MAP3K7: variants seen among roughly 807,000 people sequenced by gnomAD.
The protein encoded by MAP3K7 is TGF-beta activated kinase 1.
A neutral mutation model predicts 84.8 loss-of-function variants in MAP3K7; 21 were observed. That is an observed-to-expected ratio of 0.25 (90% CI 0.18 to 0.36). MAP3K7 has a LOEUF of 0.36. MAP3K7 is among the 10% of genes least tolerant of loss of function. The pLI is 1.00. For synonymous variants in MAP3K7, 241 were observed against 247.7 expected, an observed-to-expected ratio of 0.97 and a Z score of 0.25; for missense variants, 503 against 747.7, an observed-to-expected ratio of 0.67 and a Z score of 3.82.
chr6:90,556,489 T>C lies in MAP3K7; in HGVS notation c.607+11A>G, dbSNP rs1251279795. On this transcript the variant is annotated intron_variant, in intron 6 of 16. Coordinates refer to ENST00000369329, the MANE Select transcript of MAP3K7 (RefSeq NM_145331.3). The stretch of plus-strand genomic sequence containing the variant: ...GAGATTATCAAACATACCATACTTT[T>C]GCCATTTTACCTTCAAAAACTTCAG... 3.1e-6 allele frequency: 5 copies of C among 1,609,330 alleles called. No individual in the cohort carries two copies. The African/African-American group carries it at 5.4e-5, about 17-fold the overall frequency.
In MAP3K7 at chr6:90,516,461, T is replaced by G. The variant is rs766195114; in HGVS notation, c.*40A>C. On this transcript the variant is annotated 3_prime_UTR_variant, in exon 17 of 17. Transcript: ENST00000369329. ...GGTTTTCCTTTCCTTAAAAAAAAAG[T>G]CTTTCTTTGCATATTTCAAAATGTA... 4.4e-6 allele frequency: 7 copies of G among 1,582,576 alleles called. No individual in the cohort carries two copies. The highest frequency in any genetic ancestry group is 1.2e-5 in the South Asian group (1 of 85,214).
intron 11 of MAP3K7, among the ~76,000 whole-genome samples, chr6:90,545,866 T>C (rs1403137949): frequency 6.6e-6 from 1 of 152,160 alleles, no homozygotes; most frequent in Non-Finnish European, 1.5e-5. Flanking sequence ...TGTGTGGATG[T>C]TGTTAAGAGA....
At chr6:90,568,697 T>C in intron 2 of MAP3K7, 74 bp from the exon 3 acceptor site, 1 of 1,082,424 alleles carries the variant, frequency 9.2e-7, no homozygotes. Flanking sequence ...CATTAAAATC[T>C]TACTGTTGTA....
chr6:90,529,516 G>C (rs1582170043), intron 13 of MAP3K7, among the ~76,000 whole-genome samples: 2 of 152,098 alleles, frequency 1.3e-5, no homozygotes, highest in African/African-American at 4.8e-5. Context: ...TAAGAAGTTG[G>C]GTGTTGGAGA....
chr6:90,564,835 G>A (rs1270195232), intron 3 of MAP3K7, among the ~76,000 whole-genome samples: 1 of 152,096 alleles, frequency 6.6e-6, no homozygotes. Flanking sequence ...ACACTCCTCA[G>A]CAAATGTAAA....
At position 90,529,448 on chromosome 6, in the gene MAP3K7, C is replaced by T. The variant is rs960300946; in HGVS notation, c.1357-5665G>A. 5.3e-5 allele frequency among the ~76,000 whole-genome samples: 8 copies of T among 152,224 alleles called. No homozygotes were observed. The South Asian group carries it at 6.2e-4, about 12-fold the overall frequency. On this transcript the variant is annotated intron_variant, in intron 13 of 16. Transcript: ENST00000369329. Reference sequence around the variant, plus strand: ...GTGTGAACCTGTGTAAGTAACTTAGCCTCTCTGAGACTTAGGTTTCTCATT... The same window carrying T: ...GTGTGAACCTGTGTAAGTAACTTAGTCTCTCTGAGACTTAGGTTTCTCATT...
chr6:90,538,118 C>G (rs1775737449), intron 12 of MAP3K7, among the ~76,000 whole-genome samples: 1 of 151,866 alleles, frequency 6.6e-6, no homozygotes, highest in Non-Finnish European at 1.5e-5. Context: ...CTGCATGAAT[C>G]AAAGCAAGCA....
intron 5 of MAP3K7, 71 bp from the exon 6 acceptor site, chr6:90,556,695 C>T: frequency 6.9e-7 from 1 of 1,456,422 alleles, no homozygotes; most frequent in Non-Finnish European, 9.2e-7. Flanking sequence ...AAAGAAGAGA[C>T]ATTTGTGGAA....
chr6:90,550,115 G>A lies in MAP3K7; in HGVS notation c.949+353C>T, dbSNP rs1434843099. Among the ~76,000 whole-genome samples, 7 of 152,158 alleles carry A rather than the reference G, an allele frequency of 4.6e-5. No individual in the cohort carries two copies. In the South Asian group the frequency reaches 1.2e-3, roughly 27 times the overall value. Reference sequence around the variant, plus strand: ...GAACAAAAACTAGGGTGTTCGTGATGAAGAAATGTTTAAATACATTTACAA... The same window carrying A: ...GAACAAAAACTAGGGTGTTCGTGATAAAGAAATGTTTAAATACATTTACAA... On this transcript the variant is annotated intron_variant, in intron 9 of 16. Transcript: ENST00000369329.
At chr6:90,541,993 C>A (rs1366212267) in intron 12 of MAP3K7, among the ~76,000 whole-genome samples, 1 of 151,904 alleles carries the variant, frequency 6.6e-6, no homozygotes, top group African/African-American at 2.4e-5. Flanking sequence ...TAAATAAGAT[C>A]TTTAAAAAGC....
chr6:90,581,143 T>C (rs1266499945), intron 1 of MAP3K7, among the ~76,000 whole-genome samples: 1 of 152,224 alleles, frequency 6.6e-6, no homozygotes, highest in East Asian at 1.9e-4. Flanking sequence ...TGATGTAAGA[T>C]GACTCCATTC....
Position 90,584,327 on chromosome 6 carries a change from T to C in MAP3K7, c.120+2437A>G, listed in dbSNP as rs1183055897. The stretch of plus-strand genomic sequence containing the variant: ...CAAATGAAGAAGATGATGGAAATTA[T>C]GTAATGCTTTCAATATCAGAAAGGT... On this transcript the variant is annotated intron_variant, in intron 1 of 16. Coordinates refer to ENST00000369329, the MANE Select transcript of MAP3K7 (RefSeq NM_145331.3). Among the ~76,000 whole-genome samples the C allele has an allele frequency of 6.6e-5, 10 of 152,218 alleles. No individual in the cohort carries two copies. In the East Asian group the frequency reaches 1.2e-3, roughly 18 times the overall value.
chr6:90,583,296 A>G (rs1338555593), intron 1 of MAP3K7, among the ~76,000 whole-genome samples: 1 of 152,140 alleles, frequency 6.6e-6, no homozygotes, highest in East Asian at 1.9e-4. Flanking sequence ...CCTTTCCCAT[A>G]TTAGGTTTGG....
intron 1 of MAP3K7, among the ~76,000 whole-genome samples, chr6:90,578,701 C>A (rs917371102): frequency 1.2e-4 from 18 of 152,138 alleles, no homozygotes; most frequent in Non-Finnish European, 2.2e-4. Context: ...TGCTCTCCTT[C>A]CCCCCATTCT....
rs1775693410 is a variant in MAP3K7, at chr6:90,536,736, G to A, written c.1292-335C>T. 5.9e-5 allele frequency: 12 copies of A among 201,912 alleles called. No homozygotes were observed. The South Asian group carries it at 1.0e-3, about 18-fold the overall frequency. The allele number at this position is 201,912 out of a possible 1,614,324, so 12.5% of individuals were successfully genotyped here. A position where few individuals can be genotyped will look rare whatever the true frequency, so the allele number is the denominator to read the frequency against. On this transcript the variant is annotated intron_variant, in intron 12 of 16. Coordinates refer to ENST00000369329, the MANE Select transcript of MAP3K7 (RefSeq NM_145331.3). ...TTAAATAGATGAATGCTTGGGGGCT[G>A]GGGCTGATGACGGCATCTATTTCAA...
intron 11 of MAP3K7, among the ~76,000 whole-genome samples, chr6:90,545,008 A>C (rs1775959893): frequency 6.6e-6 from 1 of 152,086 alleles, no homozygotes; most frequent in African/African-American, 2.4e-5. Flanking sequence ...AGGCGTTAAA[A>C]AGTAAGTTGT....
chr6:90,554,310 T>G (rs746301223), intron 6 of MAP3K7, among the ~76,000 whole-genome samples: 1 of 152,340 alleles, frequency 6.6e-6, no homozygotes, highest in Non-Finnish European at 1.5e-5. Context: ...TTACAGTTTT[T>G]TCCTCAATAT....
intron 13 of MAP3K7, among the ~76,000 whole-genome samples, chr6:90,532,918 C>T (rs186224995): frequency 1.3e-5 from 2 of 152,304 alleles, no homozygotes; most frequent in East Asian, 3.9e-4. Flanking sequence ...GCATGCATCA[C>T]ATCTAGTTTC....
At chr6:90,559,664 A>G (rs1469287581) in intron 5 of MAP3K7, among the ~76,000 whole-genome samples, 2 of 152,214 alleles carry the variant, frequency 1.3e-5, no homozygotes, top group Non-Finnish European at 2.9e-5. Flanking sequence ...CCTCTGAAAG[A>G]GCAAGTAATA....
Sources: gnomAD v4.1 joint callset for allele counts (sites outside exome capture counted in the v4.1 genomes callset) on GRCh38, gnomAD v4.1.1 for gene constraint, MANE v1.5 for transcripts, NCBI Gene and HGNC (gene_info 2026-07-23, HGNC 2026-07-21) for gene names.